Variants in SGCD observed in about 807,000 individuals in gnomAD.
SGCD encodes the protein delta-sarcoglycan.
In SGCD, 18 loss-of-function variants were observed where a neutral mutation model predicts 36.6. The ratio of observed to expected loss-of-function variants is 0.49; its 90% CI spans 0.34 to 0.73. The LOEUF is 0.73. Ranked by LOEUF, SGCD falls within the 30% of genes least tolerant of loss-of-function variation. The pLI, the probability that SGCD is intolerant of heterozygous loss-of-function variation, is 0.01. For missense variants in SGCD, 387 were observed against 346.7 expected (o/e 1.12, Z -0.92); for synonymous variants, 133 against 130.6 (o/e 1.02, Z -0.12).
chr5:156,089,598 C>A (rs949256364), intron 1 of SGCD, among the ~76,000 whole-genome samples: 1 of 152,162 alleles, frequency 6.6e-6, no homozygotes, highest in African/African-American at 2.4e-5. Context: ...CAAAAGAAAC[C>A]TATAATTCTT....
At chr5:156,318,810 G>T (rs112872065) in intron 3 of SGCD, among the ~76,000 whole-genome samples, 7,812 of 152,124 alleles carry the variant, frequency 0.051, 642 homozygotes, top group African/African-American at 0.18. Flanking sequence ...TGGCCAGGCT[G>T]GTCTCGAACT....
chr5:155,926,514 TA>T (rs1757000182), intron 1 of SGCD, among the ~76,000 whole-genome samples: 1 of 152,212 alleles, frequency 6.6e-6, no homozygotes, highest in African/African-American at 2.4e-5. Flanking sequence ...AATAGATATA[TA>T]AAGTAAAAGG....
intron 2 of SGCD, 63 bp from the exon 3 acceptor site, chr5:156,344,425 TA>T (rs984486352): frequency 7.6e-6 from 9 of 1,187,694 alleles, no homozygotes; most frequent in African/African-American, 1.6e-5. Flanking sequence ...TTTTTTCCTT[TA>T]TTTTTTTTCT....
chr5:156,247,096 G>A (rs367875387), intron 3 of SGCD, among the ~76,000 whole-genome samples: 3 of 152,144 alleles, frequency 2.0e-5, no homozygotes, highest in African/African-American at 7.2e-5. Flanking sequence ...TTACCCTGTT[G>A]CCCTGTTAGC....
At chr5:156,618,606 A>AAT (rs2113487656) in intron 6 of SGCD, among the ~76,000 whole-genome samples, 1 of 151,704 alleles carries the variant, frequency 6.6e-6, no homozygotes, top group Non-Finnish European at 1.5e-5. Flanking sequence ...AAAAAAAAAA[A>AAT]AAAAAAGAGC....
At chr5:156,253,919 C>G (rs998219749) in intron 3 of SGCD, among the ~76,000 whole-genome samples, 9 of 152,048 alleles carry the variant, frequency 5.9e-5, no homozygotes, top group African/African-American at 2.2e-4. Flanking sequence ...TTGATTATAC[C>G]AAGATTAATG....
the SGCD span, among the ~76,000 whole-genome samples, chr5:155,759,562 C>A: frequency 4.6e-5 from 7 of 152,156 alleles, no homozygotes; most frequent in Non-Finnish European, 7.3e-5. Flanking sequence ...ATGCACACTC[C>A]GCTGCTCAGG....
chr5:156,678,494 A>G (rs1000264939), intron 7 of SGCD, among the ~76,000 whole-genome samples: 3 of 152,226 alleles, frequency 2.0e-5, no homozygotes, highest in Admixed American at 1.3e-4. Flanking sequence ...TATGAAAAGT[A>G]CACAGCAAAC....
the SGCD span, among the ~76,000 whole-genome samples, chr5:155,736,963 G>A: frequency 6.6e-6 from 1 of 152,312 alleles, no homozygotes; most frequent in Admixed American, 6.5e-5. Context: ...GGAAAAGTGA[G>A]TGCTCTTTCC....
At chr5:156,593,017 A>G (rs1760785274) in intron 5 of SGCD, among the ~76,000 whole-genome samples, 1 of 150,940 alleles carries the variant, frequency 6.6e-6, no homozygotes, top group Non-Finnish European at 1.5e-5. Flanking sequence ...GGTTTCCTAC[A>G]CTCACAGCAC....
chr5:156,590,547 G>A lies in SGCD; in HGVS notation c.382+1229G>A, dbSNP rs944334182. 2.0e-5 allele frequency among the ~76,000 whole-genome samples: 3 copies of A among 152,224 alleles called. 1 individual carries two copies. In the Middle Eastern group the frequency reaches 0.01, roughly 518 times the overall value. On this transcript the variant is annotated intron_variant, in intron 5 of 8. Coordinates refer to ENST00000337851, the MANE Select transcript of SGCD (RefSeq NM_000337.6). ...GTAAGCAATGATTTAAGCAGCGTGT[G>A]TGAAAATTGCCTCCAGGAGGGTAAT...
intron 1 of SGCD, among the ~76,000 whole-genome samples, chr5:156,039,167 A>G (rs1272761389): frequency 6.6e-6 from 1 of 152,096 alleles, no homozygotes; most frequent in African/African-American, 2.4e-5. Context: ...CCTAAGAACC[A>G]ATAAGACCAT....
At chr5:156,123,065 A>G (rs1762084824) in intron 2 of SGCD, among the ~76,000 whole-genome samples, 1 of 152,024 alleles carries the variant, frequency 6.6e-6, no homozygotes, top group African/African-American at 2.4e-5. Flanking sequence ...GGAGGGCTTT[A>G]GTATTTTCCA....
At chr5:156,477,018 A>G (rs897429517) in intron 3 of SGCD, among the ~76,000 whole-genome samples, 1 of 150,076 alleles carries the variant, frequency 6.7e-6, no homozygotes, top group Non-Finnish European at 1.5e-5. Context: ...TTTTAGACAG[A>G]GCGTTAATTC....
chr5:155,772,672 A>T, the SGCD span, among the ~76,000 whole-genome samples: 2 of 152,148 alleles, frequency 1.3e-5, no homozygotes, highest in Admixed American at 6.5e-5. Flanking sequence ...GTTTTAAGTT[A>T]TTAATGGTTT....
At chr5:156,225,025 C>A (rs1294702758) in intron 3 of SGCD, among the ~76,000 whole-genome samples, 1 of 152,060 alleles carries the variant, frequency 6.6e-6, no homozygotes, top group Non-Finnish European at 1.5e-5. Flanking sequence ...CACTTAAACT[C>A]TTTGTACCTA....
intron 3 of SGCD, among the ~76,000 whole-genome samples, chr5:156,298,576 C>CTTT (rs924228753): frequency 1.8e-4 from 20 of 110,508 alleles, no homozygotes; most frequent in African/African-American, 3.4e-4. Context: ...TTTTTCTTTT[C>CTTT]TTTTTTTTTT....
At chr5:156,421,234 A>G (rs1580965383) in intron 3 of SGCD, among the ~76,000 whole-genome samples, 1 of 152,174 alleles carries the variant, frequency 6.6e-6, no homozygotes, top group African/African-American at 2.4e-5. Context: ...AACTGTTATT[A>G]ATAAAGAGGG....
At chr5:155,810,835 T>G in the SGCD span, among the ~76,000 whole-genome samples, 2 of 91,376 alleles carry the variant, frequency 2.2e-5, no homozygotes, top group African/African-American at 4.5e-5. Flanking sequence ...TTTTTTTTTT[T>G]GAGACGGAGT....
Sources: gnomAD v4.1 joint callset for allele counts (sites outside exome capture counted in the v4.1 genomes callset) on GRCh38, gnomAD v4.1.1 for gene constraint, MANE v1.5 for transcripts, NCBI Gene and HGNC (gene_info 2026-07-23, HGNC 2026-07-21) for gene names.